The following IDO2 variants were observed in gnomAD, a reference collection of about 807,000 sequenced individuals.
IDO2 encodes indoleamine 2,3-dioxygenase 2, also known as indoleamine 2,3-dioxygenase-like 1 protein.
In IDO2, 46 loss-of-function variants were observed where a neutral mutation model predicts 45.1. The observed-to-expected ratio is 1.02, with a 90% CI of 0.80 to 1.30. The LOEUF is 1.30. Among genes scored for constraint, IDO2 ranks in the 50% most tolerant of loss-of-function variants. The pLI is 0.00. For missense variants in IDO2, 544 were observed against 491.8 expected (o/e 1.11, Z -1.00); for synonymous variants, 218 against 184.9 (o/e 1.18, Z -1.45).
intron 9 of IDO2, among the ~76,000 whole-genome samples, chr8:40,011,639 C>G (rs931778612): frequency 3.9e-5 from 6 of 152,134 alleles, no homozygotes; most frequent in African/African-American, 1.2e-4. Context: ...CCCACTCACT[C>G]TAAAGAATAT....
At chr8:39,970,147 A>G (rs942767942) in intron 3 of IDO2, among the ~76,000 whole-genome samples, 1 of 152,244 alleles carries the variant, frequency 6.6e-6, no homozygotes, top group African/African-American at 2.4e-5. Flanking sequence ...CCAAAGCCTA[A>G]TTCAAAGAAA....
exon 4 of IDO2, chr8:39,979,112 C>T: frequency 2.5e-6 from 4 of 1,601,826 alleles, no homozygotes; most frequent in Non-Finnish European, 2.6e-6. Context: ...CCGGGAGCAG[C>T]GCCTGGCCCA....
rs976651176 is a variant in IDO2 at position 39,940,094 on chromosome 8, T to C, written c.-18+4876T>C. On this transcript the variant is annotated intron_variant, in intron 1 of 10. Coordinates refer to ENST00000502986, the Ensembl canonical transcript of IDO2. ...CCTTACTGTTACGAAAGAAAGTTTC[T>C]AAGCACAATTGTCTCTAGCCAACTT... Among the ~76,000 whole-genome samples the C allele has an allele frequency of 4.6e-5, 7 of 152,294 alleles. No homozygotes were observed. The East Asian group carries it at 1.4e-3, about 29-fold the overall frequency.
Position 39,969,833 on chromosome 8 carries a change from C to T in IDO2, c.195+6130C>T, listed in dbSNP as rs117357607. 4.4e-3 allele frequency among the ~76,000 whole-genome samples: 654 copies of T among 149,764 alleles called. 1 individual carries two copies. Among genetic ancestry groups the T allele is most frequent in the Non-Finnish European group, 5.2e-3 (355 of 67,840 alleles). On this transcript the variant is annotated intron_variant, in intron 3 of 10. Transcript: ENST00000502986. Reference sequence around the variant, plus strand: ...GAGGTTGCAGTGAGCCTAGATTGTGCGATTGCACTCCAGCCAGGGCAACAA... The same window carrying T: ...GAGGTTGCAGTGAGCCTAGATTGTGTGATTGCACTCCAGCCAGGGCAACAA...
intron 7 of IDO2, among the ~76,000 whole-genome samples, chr8:39,989,419 G>A (rs1458503260): frequency 6.6e-6 from 1 of 152,134 alleles, no homozygotes; most frequent in Non-Finnish European, 1.5e-5. Context: ...CAGTAGAACT[G>A]ATCATAACGT....
At chr8:39,940,771 C>T (rs1476049820) in intron 1 of IDO2, among the ~76,000 whole-genome samples, 1 of 152,044 alleles carries the variant, frequency 6.6e-6, no homozygotes, top group Admixed American at 6.6e-5. Context: ...AACCACTGTT[C>T]TACTCTCTGC....
intron 8 of IDO2, chr8:39,995,113 A>T (rs1052891328): frequency 6.6e-6 from 1 of 152,236 alleles, no homozygotes; most frequent in Admixed American, 6.6e-5. Flanking sequence ...GAGGACACTT[A>T]CCATCAGCCT....
intron 10 of IDO2, among the ~76,000 whole-genome samples, chr8:40,014,769 T>C (rs1476509210): frequency 1.3e-5 from 2 of 152,192 alleles, no homozygotes; most frequent in African/African-American, 4.8e-5. Context: ...AAATATACAT[T>C]TGAGTACGTG....
At chr8:39,971,326 G>GA (rs1808176515) in intron 3 of IDO2, among the ~76,000 whole-genome samples, 1 of 152,048 alleles carries the variant, frequency 6.6e-6, no homozygotes, top group Non-Finnish European at 1.5e-5. Flanking sequence ...CTACTGCTCA[G>GA]AAAAAAATAT....
intron 8 of IDO2, among the ~76,000 whole-genome samples, chr8:40,000,560 A>G (rs1802120289): frequency 1.3e-5 from 2 of 152,228 alleles, no homozygotes; most frequent in Non-Finnish European, 2.9e-5. Flanking sequence ...CATTGGTCAT[A>G]TAGACATAGC....
intron 8 of IDO2, among the ~76,000 whole-genome samples, chr8:39,999,244 A>G (rs1216255994): frequency 1.4e-5 from 2 of 139,948 alleles, no homozygotes; most frequent in African/African-American, 2.7e-5. Flanking sequence ...GGGTTGCTCA[A>G]TTTATTGGCC....
At chr8:39,994,419 G>A (rs1376642726) in intron 8 of IDO2, among the ~76,000 whole-genome samples, 2 of 151,910 alleles carry the variant, frequency 1.3e-5, no homozygotes, top group East Asian at 1.9e-4. Context: ...CACCACACCC[G>A]GCTGATTTTG....
intron 8 of IDO2, among the ~76,000 whole-genome samples, chr8:40,001,363 C>T (rs868558569): frequency 6.7e-5 from 10 of 149,216 alleles, no homozygotes; most frequent in African/African-American, 1.7e-4. Context: ...AATTCTCCTG[C>T]CTCAGCCTTC....
At chr8:39,979,345 TTTA>T (rs1400172341) in intron 4 of IDO2, among the ~76,000 whole-genome samples, 159 bp downstream of exon 4, 3 of 142,136 alleles carry the variant, frequency 2.1e-5, no homozygotes, top group Admixed American at 6.8e-5. Flanking sequence ...TCATTTATTA[TTTA>T]TTATTATTAT....
intron 4 of IDO2, among the ~76,000 whole-genome samples, chr8:39,980,371 ATT>A (rs1016346633): frequency 4.6e-5 from 7 of 152,018 alleles, no homozygotes; most frequent in Admixed American, 3.3e-4. Flanking sequence ...ACACATTGAC[ATT>A]TACAACACTC....
chr8:39,991,601 C>T (rs1347377506), intron 8 of IDO2, among the ~76,000 whole-genome samples: 3 of 130,548 alleles, frequency 2.3e-5, no homozygotes, highest in African/African-American at 8.7e-5. Context: ...GATGGAGTCT[C>T]ACTCTGTCAC....
intron 2 of IDO2, among the ~76,000 whole-genome samples, chr8:39,958,515 ACCT>A (rs1175301092): frequency 6.6e-6 from 1 of 152,046 alleles, no homozygotes; most frequent in Non-Finnish European, 1.5e-5. Flanking sequence ...TCCTGCATCA[ACCT>A]CCTAAGTAGC....
At chr8:39,966,022 G>A (rs923032946) in intron 3 of IDO2, among the ~76,000 whole-genome samples, 5 of 128,772 alleles carry the variant, frequency 3.9e-5, no homozygotes, top group South Asian at 2.7e-4. Flanking sequence ...GGTCTCTATC[G>A]CTTCTTTTTT....
At chr8:40,015,630 A>G (rs952676631) in exon 11 of IDO2, 91 of 1,540,346 alleles carry the variant, frequency 5.9e-5, no homozygotes, top group Non-Finnish European at 7.7e-5. Flanking sequence ...AGCAATGCAG[A>G]GCCCCCATGG....
Sources: gnomAD v4.1 joint callset for allele counts (sites outside exome capture counted in the v4.1 genomes callset) on GRCh38, gnomAD v4.1.1 for gene constraint, MANE v1.5 for transcripts, NCBI Gene and HGNC (gene_info 2026-07-23, HGNC 2026-07-21) for gene names.